The following SYNJ2 variants were observed in gnomAD, a reference collection of about 807,000 sequenced individuals.
The protein encoded by SYNJ2 is polyphosphatidylinositol phosphatase SYNJ2.
A neutral mutation model predicts 141.3 loss-of-function variants in SYNJ2; 116 were observed. That is an observed-to-expected ratio of 0.82 (90% CI 0.71 to 0.96). The LOEUF (loss-of-function observed/expected upper bound fraction) is 0.96, where lower values mean the gene tolerates loss of function less well. Ranked by LOEUF, SYNJ2 falls within the 40% of genes least tolerant of loss-of-function variation. The pLI, the probability that SYNJ2 is intolerant of heterozygous loss-of-function variation, is 0.00. For missense variants in SYNJ2, 1,873 were observed against 1,934.8 expected, an observed-to-expected ratio of 0.97 and a Z score of 0.60; for synonymous variants, 745 against 777.7, an observed-to-expected ratio of 0.96 and a Z score of 0.70.
chr6:158,044,486 A>G (rs1287277775), intron 5 of SYNJ2, among the ~76,000 whole-genome samples: 3 of 152,174 alleles, frequency 2.0e-5, no homozygotes, highest in African/African-American at 4.8e-5. Flanking sequence ...CAGTCTTTCC[A>G]CTAGAAAGAG....
rs1169785182 is a variant in SYNJ2 at position 158,040,386 on chromosome 6, G to A, written c.712-2930G>A. ...GTGTTGTGTGTCTGCACGCACAGATGTTGTGTACATGTGTAGATAGCATCT... is the reference window on the plus strand; with the variant it reads ...GTGTTGTGTGTCTGCACGCACAGATATTGTGTACATGTGTAGATAGCATCT... On this transcript the variant is annotated intron_variant, in intron 4 of 26. Coordinates refer to ENST00000355585, the MANE Select transcript of SYNJ2 (RefSeq NM_003898.4). The surrounding 1 kb of genome is among the most constrained non-coding windows in gnomAD (Gnocchi z 4.2). Among the ~76,000 whole-genome samples the A allele has an allele frequency of 6.6e-6, 1 of 152,170 alleles. No individual in the cohort carries two copies. The highest frequency in any genetic ancestry group is 2.4e-5 in the African/African-American group (1 of 41,422).
At chr6:158,034,763 T>A (rs747817212) in intron 4 of SYNJ2, among the ~76,000 whole-genome samples, 3 of 152,250 alleles carry the variant, frequency 2.0e-5, no homozygotes, top group African/African-American at 7.2e-5. Context: ...ACTGTTCCTA[T>A]GTCTAGAATG....
At chr6:158,020,246 TGC>T (rs1323412218) in intron 2 of SYNJ2, among the ~76,000 whole-genome samples, 2 of 140,344 alleles carry the variant, frequency 1.4e-5, no homozygotes, top group East Asian at 2.0e-4. Flanking sequence ...GACCCCCACC[TGC>T]GTGACTCTGA....
chr6:158,051,149 G>A (rs945721724), intron 5 of SYNJ2, among the ~76,000 whole-genome samples: 5 of 152,276 alleles, frequency 3.3e-5, no homozygotes, highest in Middle Eastern at 3.4e-3. Flanking sequence ...AACTTGTCAC[G>A]ACGGAGAGCC....
At chr6:157,984,289 A>G (rs1477377251) in intron 1 of SYNJ2, among the ~76,000 whole-genome samples, 6 of 152,260 alleles carry the variant, frequency 3.9e-5, no homozygotes, top group African/African-American at 7.2e-5. Context: ...AACTTTCAAC[A>G]TATCCTAAAT....
chr6:157,999,838 C>A (rs1312724669), intron 1 of SYNJ2, among the ~76,000 whole-genome samples: 1 of 152,154 alleles, frequency 6.6e-6, no homozygotes, highest in Non-Finnish European at 1.5e-5. Context: ...CTGTGATGTG[C>A]AGGTGACTGG....
intron 20 of SYNJ2, among the ~76,000 whole-genome samples, chr6:158,082,259 C>T (rs759555731): frequency 5.9e-5 from 9 of 151,706 alleles, no homozygotes; most frequent in African/African-American, 1.2e-4. Context: ...GAGGCTGAGG[C>T]GGGCAAATCA....
intron 7 of SYNJ2, among the ~76,000 whole-genome samples, chr6:158,060,239 CGATCCTGGACA>C (rs1289337138): frequency 1.3e-5 from 2 of 152,102 alleles, no homozygotes; most frequent in Non-Finnish European, 2.9e-5. Context: ...CTTTTCCTGG[CGATCCTGGACA>C]GATCCTGGGC....
intron 11 of SYNJ2, among the ~76,000 whole-genome samples, 164 bp downstream of exon 11, chr6:158,065,155 G>A (rs1044826598): frequency 2.6e-5 from 4 of 152,206 alleles, no homozygotes; most frequent in African/African-American, 4.8e-5. Context: ...GGGAGCCTGC[G>A]CTTTCCTGCT....
At chr6:158,085,461 G>C (rs568259815) in intron 22 of SYNJ2, among the ~76,000 whole-genome samples, 1 of 152,172 alleles carries the variant, frequency 6.6e-6, no homozygotes, top group African/African-American at 2.4e-5. Flanking sequence ...ACTGAGCCCC[G>C]AGTTGGAGGA....
At chr6:158,046,875 G>C (rs1025950724) in intron 5 of SYNJ2, among the ~76,000 whole-genome samples, 78 of 151,490 alleles carry the variant, frequency 5.1e-4, no homozygotes, top group African/African-American at 1.8e-3. Flanking sequence ...TTGCTCCCCT[G>C]GTCATTGTAG....
chr6:158,078,198 T>C lies in SYNJ2; in HGVS notation c.2484T>C (p.Asp828=), dbSNP rs770320803. ...GELNLLDSDL[D]VDTKVRHTWS... ...TCAACCTTCTAGACAGTGATCTAGA[T>C]GTTGACACCAAAGTCAGACACACCT... Residue 828 remains aspartate, a synonymous_variant, in exon 18 of 27, where the codon GAT becomes GAC. Transcript: ENST00000355585. 3.7e-6 allele frequency: 6 copies of C among 1,613,852 alleles called. No individual in the cohort carries two copies. The African/African-American group carries it at 8.0e-5, about 22-fold the overall frequency.
intron 3 of SYNJ2, among the ~76,000 whole-genome samples, chr6:158,031,113 C>T (rs552127930): frequency 6.6e-6 from 1 of 152,274 alleles, no homozygotes; most frequent in African/African-American, 2.4e-5. Context: ...CCAGCATGTG[C>T]CCCGCGAGCT....
At chr6:158,079,746 G>A (rs1408170780) in intron 18 of SYNJ2, among the ~76,000 whole-genome samples, 1 of 152,194 alleles carries the variant, frequency 6.6e-6, no homozygotes, top group African/African-American at 2.4e-5. Flanking sequence ...CTTCAGATAT[G>A]TGACATCAAG....
intron 3 of SYNJ2, among the ~76,000 whole-genome samples, chr6:158,033,044 TAATA>T (rs1779449743): frequency 6.6e-6 from 1 of 152,244 alleles, no homozygotes; most frequent in African/African-American, 2.4e-5. Flanking sequence ...GATTGTTTAA[TAATA>T]AAAGATGATT....
chr6:157,983,326 A>G (rs1777081656), intron 1 of SYNJ2, among the ~76,000 whole-genome samples: 1 of 152,240 alleles, frequency 6.6e-6, no homozygotes, highest in African/African-American at 2.4e-5. Flanking sequence ...TGAATTGTAG[A>G]TTAAGTTATT....
At chr6:158,016,464 G>A (rs1334732407) in intron 1 of SYNJ2, among the ~76,000 whole-genome samples, 1 of 152,050 alleles carries the variant, frequency 6.6e-6, no homozygotes, top group East Asian at 1.9e-4. Flanking sequence ...CTTTTTTCAT[G>A]TAGCATAATG....
intron 1 of SYNJ2, among the ~76,000 whole-genome samples, chr6:158,005,850 T>G (rs1778049831): frequency 6.6e-6 from 1 of 152,058 alleles, no homozygotes; most frequent in African/African-American, 2.4e-5. Flanking sequence ...TCCCGCTGGC[T>G]CCCTGCACCA....
chr6:158,017,158 G>A (rs1365171780), intron 1 of SYNJ2, 46 bp from the exon 2 acceptor site: 4 of 1,602,456 alleles, frequency 2.5e-6, no homozygotes, highest in Non-Finnish European at 3.4e-6. Context: ...ACAGGAATGA[G>A]CAGGAGACGC....
Sources: gnomAD v4.1 joint callset for allele counts (sites outside exome capture counted in the v4.1 genomes callset) on GRCh38, gnomAD v4.1.1 for gene constraint, Gnocchi (gnomAD v3.1) non-coding constraint, MANE v1.5 for transcripts, NCBI Gene and HGNC (gene_info 2026-07-23, HGNC 2026-07-21) for gene names.